Variants in IDUA observed in about 807,000 individuals in gnomAD.
The protein encoded by IDUA is alpha-L-iduronidase.
Under a neutral mutation model 68.9 loss-of-function variants are expected in IDUA, and 65 were observed. The ratio of observed to expected loss-of-function variants is 0.94; its 90% CI spans 0.77 to 1.16. The LOEUF (loss-of-function observed/expected upper bound fraction) is 1.16, where lower values mean the gene tolerates loss of function less well. IDUA is among the 50% of genes most tolerant of loss of function. IDUA has a pLI of 0.00. For synonymous variants in IDUA, 529 were observed against 433.6 expected (o/e 1.22, Z -2.73); for missense variants, 1,046 against 938.0 (o/e 1.12, Z -1.50).
intron 2 of IDUA, chr4:992,593 C>A: frequency 5.1e-5 from 10 of 195,430 alleles, no homozygotes; most frequent in Non-Finnish European, 7.4e-5. Flanking sequence ...ACGTGAGGCG[C>A]CCTTTTTCCC....
At chr4:990,717 C>T in intron 2 of IDUA, 1 of 410,320 alleles carries the variant, frequency 2.4e-6, no homozygotes, top group Non-Finnish European at 4.4e-6. Flanking sequence ...CCACTGCCCC[C>T]CATGCAGATG....
chr4:999,119 G>C (rs1343620248), intron 2 of IDUA, among the ~76,000 whole-genome samples: 1 of 151,884 alleles, frequency 6.6e-6, no homozygotes, highest in African/African-American at 2.4e-5. Context: ...GCAGGAGAAT[G>C]GTGTGAACCC....
Position 1,002,715 on chromosome 4 carries a change from C to G in IDUA, c.1190-17C>G. 2 of 1,387,566 alleles carry G rather than the reference C, an allele frequency of 1.4e-6. No individual in the cohort carries two copies. Among genetic ancestry groups the G allele is most frequent in the Non-Finnish European group, 1.9e-6 (2 of 1,041,638 alleles). 86.0% of individuals were successfully genotyped at this position (1,387,566 alleles called of 1,614,324 possible). A position where few individuals can be genotyped will look rare whatever the true frequency, so the allele number is the denominator to read the frequency against. ...GGCAACGACCCCACGCGGCGACGGC[C>G]CCCCCCCGCCCCGCAGATGAGGAGC... On this transcript the variant is annotated splice_polypyrimidine_tract_variant and intron_variant, in intron 8 of 13. Coordinates refer to ENST00000514224, the MANE Select transcript of IDUA (RefSeq NM_000203.5).
chr4:1,002,924 G>A lies in IDUA; in HGVS notation c.1382G>A (p.Arg461His). The A allele has an allele frequency of 2.9e-6, 4 of 1,363,756 alleles. No homozygotes were observed. The South Asian group carries it at 5.3e-5, about 18-fold the overall frequency. The allele number at this position is 1,363,756 out of a possible 1,614,324, so 84.5% of individuals were successfully genotyped here. A position where few individuals can be genotyped will look rare whatever the true frequency, so the allele number is the denominator to read the frequency against. ...AGCGTCGCGGTGACCCTGCGGCTGC[G>A]CGGGGTGCCCCCCGGCCCGGGTAAG... ...NRSVAVTLRLRGVPPGPGLVY... is the reference protein window; with the variant it reads ...NRSVAVTLRLHGVPPGPGLVY... Residue 461 changes from arginine to histidine, a missense_variant, in exon 9 of 14, where the codon CGC (arginine) becomes CAC (histidine). Arg to His is a conservative substitution (Grantham distance 29). Coordinates refer to ENST00000514224, the MANE Select transcript of IDUA (RefSeq NM_000203.5).
At chr4:990,536 C>T (rs570306488) in intron 2 of IDUA, 16 of 645,626 alleles carry the variant, frequency 2.5e-5, no homozygotes, top group South Asian at 7.8e-5. Flanking sequence ...TCTGGTTCCA[C>T]GCGTGCTCAT....
At chr4:1,003,259 C>T in intron 10 of IDUA, 86 bp from the exon 11 acceptor site, 1 of 1,330,424 alleles carries the variant, frequency 7.5e-7, no homozygotes, top group Non-Finnish European at 9.6e-7. Flanking sequence ...GGAGGTGGAG[C>T]GGTGGGCCGG....
In IDUA at chr4:1,001,775, C is replaced by G. The variant is rs760900176; in HGVS notation, c.686C>G (p.Pro229Arg). The change falls in exon 6 of 14, where the codon CCG becomes CGG. Residue 229 changes from proline (P) to arginine (R), a missense_variant. Physicochemically the swap from Pro to Arg is moderately radical, Grantham distance 103 (BLOSUM62 -2). Coordinates refer to ENST00000514224, the MANE Select transcript of IDUA (RefSeq NM_000203.5). ...CCCGGCGACTCCTTCCACACCCCAC[C>G]GCGATCCCCGCTGAGCTGGGGCCTC... ...GGPGDSFHTP[P>R]RSPLSWGLLR... The G allele has an allele frequency of 1.2e-6, 2 of 1,601,766 alleles. No homozygotes were observed. Among genetic ancestry groups the G allele is most frequent in the Middle Eastern group, 1.7e-4 (1 of 6,046 alleles).
chr4:989,675 C>T lies in IDUA; in HGVS notation c.299+1726C>T, dbSNP rs557184715. 3.6e-5 allele frequency: 57 copies of T among 1,571,452 alleles called. No homozygotes were observed. The highest frequency in any genetic ancestry group is 5.8e-5 in the South Asian group (5 of 85,894). The stretch of plus-strand genomic sequence containing the variant: ...AGCGCCAGCAGCACCAGCAGCACCA[C>T]GGTGGCGCTGACCACGCTGGACAGC... On this transcript the variant is annotated intron_variant, in intron 2 of 13. Transcript: ENST00000514224.
At chr4:999,008 T>TC (rs1203323516) in intron 2 of IDUA, among the ~76,000 whole-genome samples, 1 of 151,796 alleles carries the variant, frequency 6.6e-6, no homozygotes, top group Non-Finnish European at 1.5e-5. Flanking sequence ...ATGGAAACCA[T>TC]CCTGGCTAAC....
intron 2 of IDUA, chr4:990,036 C>T (rs1478079542): frequency 1.6e-5 from 25 of 1,597,506 alleles, no homozygotes; most frequent in Non-Finnish European, 2.0e-5. Context: ...CGAGTGTGGC[C>T]ACCACGATGA....
chr4:994,659 G>A (rs1714631910), intron 2 of IDUA, among the ~76,000 whole-genome samples: 1 of 152,074 alleles, frequency 6.6e-6, no homozygotes, highest in African/African-American at 2.4e-5. Flanking sequence ...GGATGGTCTT[G>A]ATCTCCTGAC....
intron 8 of IDUA, 65 bp from the exon 9 acceptor site, chr4:1,002,667 G>C (rs1042944290): frequency 1.2e-5 from 15 of 1,264,680 alleles, no homozygotes; most frequent in African/African-American, 4.7e-5. Context: ...TGGGAGGCCC[G>C]GCCCTGGGTC....
chr4:994,378 C>G (rs1287985058), intron 2 of IDUA, among the ~76,000 whole-genome samples: 1 of 151,468 alleles, frequency 6.6e-6, no homozygotes, highest in East Asian at 1.9e-4. Context: ...TGGGTTCACG[C>G]CATTCTCCTG....
Position 1,001,528 on chromosome 4 carries a change from A to G in IDUA, c.554A>G (p.His185Arg). 1 of 1,613,292 alleles carries G rather than the reference A, an allele frequency of 6.2e-7. No homozygotes were observed. Among genetic ancestry groups the G allele is most frequent in the Non-Finnish European group, 8.5e-7 (1 of 1,179,968 alleles). Residue 185 changes from histidine (H) to arginine (R), a missense_variant, in exon 5 of 14, where the codon CAC (histidine) becomes CGC (arginine). Coordinates refer to ENST00000514224, the MANE Select transcript of IDUA (RefSeq NM_000203.5). ...WNFETWNEPDHHDFDNVSMTM... is the reference protein window; with the variant it reads ...WNFETWNEPDRHDFDNVSMTM... Reference sequence around the variant, plus strand: ...TTCGAGACGTGGAATGAGCCAGACCACCACGACTTTGACAACGTCTCCATG... The same window carrying G: ...TTCGAGACGTGGAATGAGCCAGACCGCCACGACTTTGACAACGTCTCCATG...
chr4:1,003,413 G>T lies in IDUA; in HGVS notation c.1593G>T (p.Arg531=). 2 of 1,526,840 alleles carry T rather than the reference G, an allele frequency of 1.3e-6. No individual in the cohort carries two copies. Among genetic ancestry groups the T allele is most frequent in the Non-Finnish European group, 1.7e-6 (2 of 1,143,738 alleles). The allele number at this position is 1,526,840 out of a possible 1,614,324, so 94.6% of individuals were successfully genotyped here. ...GGRLTLRPAL[R]LPSLLLVHVC... Reference sequence around the variant, plus strand: ...GCCTGACCCTGCGCCCCGCGCTGCGGCTGCCGTCGCTTTTGCTGGTGCACG... The same window carrying T: ...GCCTGACCCTGCGCCCCGCGCTGCGTCTGCCGTCGCTTTTGCTGGTGCACG... The change falls in exon 11 of 14, where the codon CGG becomes CGT. Residue 531 remains arginine (R), a synonymous_variant. Transcript: ENST00000514224.
intron 2 of IDUA, chr4:989,637 G>A: frequency 6.3e-7 from 1 of 1,596,572 alleles, no homozygotes; most frequent in Non-Finnish European, 8.5e-7. Flanking sequence ...GTAGGTCGTG[G>A]AACAGCGGTG....
intron 2 of IDUA, chr4:991,762 G>C: frequency 1.3e-6 from 2 of 1,529,212 alleles, no homozygotes; most frequent in African/African-American, 2.7e-5. Flanking sequence ...GGTCACAGGA[G>C]CCCCCGGATC....
At chr4:991,192 C>T in intron 2 of IDUA, 1 of 1,595,608 alleles carries the variant, frequency 6.3e-7, no homozygotes, top group Non-Finnish European at 8.6e-7. Context: ...GTCACGCCCG[C>T]AGTCCAGCAT....
chr4:1,000,084 G>A (rs567119834), intron 2 of IDUA: 16 of 167,526 alleles, frequency 9.6e-5, no homozygotes, highest in Admixed American at 2.8e-4. Context: ...GTGGCAGGGC[G>A]GCCCCCTTCA....
Sources: allele counts gnomAD v4.1 joint callset (sites outside exome capture counted in the v4.1 genomes callset), GRCh38; gene constraint gnomAD v4.1.1; transcripts MANE v1.5; gene names NCBI Gene and HGNC (gene_info 2026-07-23, HGNC 2026-07-21).